The following PINX1 variants were observed in gnomAD, a reference collection of about 807,000 sequenced individuals.
The protein encoded by PINX1 is PIN2/TERF1-interacting telomerase inhibitor 1.
In PINX1, 34 loss-of-function variants were observed where a neutral mutation model predicts 25.4. The observed-to-expected ratio is 1.34, with a 90% CI of 1.02 to 1.78. The LOEUF is 1.78. Among genes scored for constraint, PINX1 ranks in the 40% most tolerant of loss-of-function variants. The pLI, the probability that PINX1 is intolerant of heterozygous loss-of-function variation, is 0.00. For missense variants in PINX1, 592 were observed against 404.9 expected (o/e 1.46, Z -3.97); for synonymous variants, 197 against 147.7 (o/e 1.33, Z -2.42).
chr8:10,791,506 CT>C (rs1445741019), intron 6 of PINX1, among the ~76,000 whole-genome samples: 1 of 152,202 alleles, frequency 6.6e-6, no homozygotes, highest in Non-Finnish European at 1.5e-5. Context: ...CAACAATCCA[CT>C]TGTGGCATGC....
intron 6 of PINX1, among the ~76,000 whole-genome samples, chr8:10,819,105 G>T (rs1355443860): frequency 1.3e-5 from 2 of 152,322 alleles, no homozygotes; most frequent in African/African-American, 4.8e-5. Context: ...AGGCACCAAA[G>T]CCAGGTATCC....
chr8:10,798,366 C>T (rs922019099), intron 6 of PINX1, among the ~76,000 whole-genome samples: 3 of 152,160 alleles, frequency 2.0e-5, no homozygotes, highest in Non-Finnish European at 4.4e-5. Flanking sequence ...TTCCCTCAAA[C>T]GTAATTGGAA....
At chr8:10,807,317 T>TCCCCCCC (rs1184898113) in intron 6 of PINX1, among the ~76,000 whole-genome samples, 11 of 39,758 alleles carry the variant, frequency 2.8e-4, no homozygotes, top group Admixed American at 3.8e-4. Context: ...ATCAAGAAAA[T>TCCCCCCC]CCCCCCCCCA....
intron 6 of PINX1, among the ~76,000 whole-genome samples, chr8:10,803,326 GAC>G (rs1802329047): frequency 6.6e-6 from 1 of 152,178 alleles, no homozygotes; most frequent in South Asian, 2.1e-4. Context: ...TAATCAAACA[GAC>G]AATAATTTCT....
chr8:10,792,681 T>C (rs980531905), intron 6 of PINX1, among the ~76,000 whole-genome samples: 3 of 152,210 alleles, frequency 2.0e-5, no homozygotes, highest in African/African-American at 7.2e-5. Context: ...AAAGGTATTT[T>C]TAGCATCTTG....
chr8:10,835,102 G>T (rs1208764778), intron 1 of PINX1, among the ~76,000 whole-genome samples: 1 of 152,206 alleles, frequency 6.6e-6, no homozygotes, highest in Non-Finnish European at 1.5e-5. Context: ...AGCACCTGTG[G>T]ACACCAGCAT....
chr8:10,798,112 G>A (rs1023397081), intron 6 of PINX1, among the ~76,000 whole-genome samples: 1 of 151,986 alleles, frequency 6.6e-6, no homozygotes, highest in East Asian at 1.9e-4. Context: ...CCACACACAT[G>A]TTTCTGGGAT....
chr8:10,788,700 C>G (rs1195894655), intron 6 of PINX1, among the ~76,000 whole-genome samples: 1 of 152,162 alleles, frequency 6.6e-6, no homozygotes, highest in Non-Finnish European at 1.5e-5. Context: ...CTACCTGAAG[C>G]CTGGCAGTTC....
chr8:10,792,451 G>A (rs868272083), intron 6 of PINX1, among the ~76,000 whole-genome samples: 1 of 151,936 alleles, frequency 6.6e-6, no homozygotes, highest in South Asian at 2.1e-4. Context: ...ATCATTGACC[G>A]TCCCTCCCCC....
chr8:10,803,385 C>T (rs548542747), intron 6 of PINX1, among the ~76,000 whole-genome samples: 2 of 152,284 alleles, frequency 1.3e-5, no homozygotes, highest in Admixed American at 6.5e-5. Flanking sequence ...AGCTCATGGA[C>T]GTCTTTTTAT....
chr8:10,819,485 G>C (rs1245707763), intron 6 of PINX1, among the ~76,000 whole-genome samples: 2 of 152,134 alleles, frequency 1.3e-5, no homozygotes, highest in African/African-American at 4.8e-5. Context: ...AATACTTTTA[G>C]CCTGTTATCT....
intron 6 of PINX1, among the ~76,000 whole-genome samples, chr8:10,767,649 G>T (rs1455134629): frequency 5.3e-5 from 8 of 152,220 alleles, no homozygotes; most frequent in African/African-American, 1.9e-4. Flanking sequence ...ATCTTCTCAA[G>T]GCTCTCCCGG....
At chr8:10,829,661 TTA>T (rs1320604281) in intron 4 of PINX1, among the ~76,000 whole-genome samples, 10 of 152,006 alleles carry the variant, frequency 6.6e-5, no homozygotes, top group Non-Finnish European at 5.9e-5. Context: ...TCTCCAAGTC[TTA>T]TATGTTCATG....
intron 6 of PINX1, among the ~76,000 whole-genome samples, chr8:10,782,940 A>G (rs1801634310): frequency 6.6e-6 from 1 of 152,218 alleles, no homozygotes; most frequent in Admixed American, 6.5e-5. Flanking sequence ...ATAAATATTT[A>G]TTCTGTCTTT....
intron 4 of PINX1, among the ~76,000 whole-genome samples, chr8:10,828,444 T>A (rs924211762): frequency 1.3e-5 from 2 of 152,118 alleles, no homozygotes; most frequent in Non-Finnish European, 2.9e-5. Flanking sequence ...AGAGCTGCTG[T>A]GATGCCTGAA....
chr8:10,795,358 C>A (rs981632535), intron 6 of PINX1, among the ~76,000 whole-genome samples: 1 of 152,174 alleles, frequency 6.6e-6, no homozygotes, highest in African/African-American at 2.4e-5. Flanking sequence ...AAGATGCCAG[C>A]AAAATTTTTA....
intron 6 of PINX1, among the ~76,000 whole-genome samples, chr8:10,810,419 G>C (rs1465640152): frequency 6.6e-6 from 1 of 152,162 alleles, no homozygotes; most frequent in Non-Finnish European, 1.5e-5. Context: ...TTCAGGCCTA[G>C]CTCAACTTCC....
At chr8:10,797,859 G>C (rs1478479721) in intron 6 of PINX1, among the ~76,000 whole-genome samples, 2 of 151,976 alleles carry the variant, frequency 1.3e-5, no homozygotes, top group Non-Finnish European at 2.9e-5. Flanking sequence ...TCCACTGTCT[G>C]ATGGAGAGAA....
At chr8:10,780,466 C>T (rs907893710) in intron 6 of PINX1, among the ~76,000 whole-genome samples, 3 of 152,242 alleles carry the variant, frequency 2.0e-5, no homozygotes, top group South Asian at 2.1e-4. Flanking sequence ...GAGATGATCA[C>T]GTGGTTTTGT....
Sources: gnomAD v4.1 joint callset for allele counts (sites outside exome capture counted in the v4.1 genomes callset) on GRCh38, gnomAD v4.1.1 for gene constraint, MANE v1.5 for transcripts, NCBI Gene and HGNC (gene_info 2026-07-23, HGNC 2026-07-21) for gene names.